Variants in TPR observed in about 807,000 individuals in gnomAD.
TPR encodes the protein translocated promoter region, nuclear basket protein, also known as nucleoprotein TPR.
Under a neutral mutation model 316.1 loss-of-function variants are expected in TPR, and 51 were observed. The observed-to-expected ratio is 0.16, with a 90% CI of 0.13 to 0.20. The LOEUF (loss-of-function observed/expected upper bound fraction) is 0.20. Ranked by LOEUF, TPR falls within the 10% of genes least tolerant of loss-of-function variation. The pLI, the probability that TPR is intolerant of heterozygous loss-of-function variation, is 1.00. For synonymous variants in TPR, 981 were observed against 914.7 expected (o/e 1.07, Z -1.31); for missense variants, 2,272 against 2,754.8 (o/e 0.82, Z 3.92).
intron 17 of TPR, among the ~76,000 whole-genome samples, chr1:186,354,981 G>A (rs1472575616): frequency 6.6e-5 from 10 of 152,018 alleles, no homozygotes; most frequent in Admixed American, 5.2e-4. Flanking sequence ...TTGGCTCACC[G>A]CAACCACTGC....
chr1:186,346,053 C>T, intron 23 of TPR, 82 bp downstream of exon 23: 3 of 1,454,384 alleles, frequency 2.1e-6, no homozygotes, highest in Non-Finnish European at 2.8e-6. Flanking sequence ...TTGAGATGAA[C>T]TAAATGGCAA....
chr1:186,356,648 A>C (rs1488950097), intron 14 of TPR, 199 bp from the exon 15 acceptor site: 5 of 453,946 alleles, frequency 1.1e-5, no homozygotes. Context: ...TATACTTACC[A>C]ATGCAATCTG....
rs1213524857 is a variant in TPR at position 186,375,154 on chromosome 1, C to T, written c.-126G>A. 6.5e-7 allele frequency: 1 copy of T among 1,544,284 alleles called. No individual in the cohort carries two copies. The highest frequency in any genetic ancestry group is 2.5e-5 in the East Asian group (1 of 40,714). On this transcript the variant is annotated 5_prime_UTR_variant, in exon 1 of 51. Transcript: ENST00000367478. ...ATCACCTCGCTCGGTGGCTCGCGCG[C>T]GCCCGCCCGCCGGAGACTCCCGCGG...
At chr1:186,322,081 T>C (rs1183077345) in intron 45 of TPR, among the ~76,000 whole-genome samples, 1 of 152,228 alleles carries the variant, frequency 6.6e-6, no homozygotes, top group Non-Finnish European at 1.5e-5. Flanking sequence ...GCCATGTTCT[T>C]AAACATTCTT....
intron 4 of TPR, among the ~76,000 whole-genome samples, chr1:186,365,494 T>C (rs1359868975): frequency 1.3e-5 from 2 of 152,108 alleles, no homozygotes; most frequent in Non-Finnish European, 2.9e-5. Context: ...GTCTACTTGC[T>C]CCCAAACATG....
intron 42 of TPR, 54 bp from the exon 43 acceptor site, chr1:186,323,924 T>A (rs1657842262): frequency 6.7e-7 from 1 of 1,488,798 alleles, no homozygotes; most frequent in African/African-American, 1.5e-5. Flanking sequence ...ACAAAAAAAC[T>A]TGGACAATCC....
chr1:186,362,964 A>G lies in TPR; in HGVS notation c.569T>C (p.Leu190Pro). The G allele has an allele frequency of 6.2e-7, 1 of 1,606,440 alleles. No homozygotes were observed. The highest frequency in any genetic ancestry group is 8.5e-7 in the Non-Finnish European group (1 of 1,178,106). The change falls in exon 6 of 51, where the codon CTA becomes CCA. Residue 190 changes from leucine (L) to proline (P), a missense_variant. This residue lies in a region of TPR where 549 missense variants were observed against 598.6 expected (regional missense o/e 0.92). Transcript: ENST00000367478. The part of the protein sequence containing the change: ...EKRLEQEKEL[L>P]HSQNTWLNTE... ...ATTCAGCCATGTATTCTGACTATGT[A>G]GCAATTCCTTTTCTTGCTCCAAGCG... is the stretch of plus-strand genomic sequence containing the variant.
chr1:186,356,253 A>G (rs751681510), intron 15 of TPR, 33 bp downstream of exon 15: 12 of 1,539,186 alleles, frequency 7.8e-6, no homozygotes, highest in Non-Finnish European at 1.1e-5. Flanking sequence ...ACATTTCTAA[A>G]TTATTCCTTA....
At chr1:186,318,362 T>G in intron 48 of TPR, 85 bp downstream of exon 48, 5 of 1,492,462 alleles carry the variant, frequency 3.4e-6, no homozygotes, top group Non-Finnish European at 4.5e-6. Context: ...AACACAACTT[T>G]GCAGATTGTT....
At chr1:186,334,632 A>C in intron 35 of TPR, 99 bp from the exon 36 acceptor site, 2 of 1,236,764 alleles carry the variant, frequency 1.6e-6, no homozygotes, top group Non-Finnish European at 1.1e-6. Flanking sequence ...TTGTTCACTA[A>C]ATATTTCAGA....
chr1:186,362,385 A>G lies in TPR; in HGVS notation c.697-5T>C, dbSNP rs751146292. 4 of 1,606,856 alleles carry G rather than the reference A, an allele frequency of 2.5e-6. No homozygotes were observed. The highest frequency in any genetic ancestry group is 3.4e-6 in the Non-Finnish European group (4 of 1,174,384). On this transcript the variant is annotated splice_polypyrimidine_tract_variant and splice_region_variant and intron_variant, in intron 6 of 50. Transcript: ENST00000367478. ...TTGTTCTTCCAGTCTAGAAACCTAA[A>G]AACAAAAAATAGAGCAGGGGGAAAG...
intron 14 of TPR, among the ~76,000 whole-genome samples, chr1:186,356,743 G>A (rs895218292): frequency 3.9e-5 from 6 of 152,114 alleles, no homozygotes; most frequent in African/African-American, 1.4e-4. Flanking sequence ...TCCTCTTCTA[G>A]AAGACATTAT....
At position 186,351,348 on chromosome 1, in the gene TPR, T is replaced by C. The variant is rs1658856103; in HGVS notation, c.2592A>G (p.Thr864=). 1 of 1,610,814 alleles carries C rather than the reference T, an allele frequency of 6.2e-7. No individual in the cohort carries two copies. Among genetic ancestry groups the C allele is most frequent in the Non-Finnish European group, 8.5e-7 (1 of 1,178,762 alleles). ...GACTCACATCTAGATTTCTAGTAAG[T>C]GTATGCCTTTGTTCCACCTCATTTT... ...KLENEVEQRH[T]LTRNLDVQLL... is the part of the protein sequence containing the mutation. Residue 864 remains threonine (T), a synonymous_variant, in exon 20 of 51, where the codon ACA becomes ACG. Transcript: ENST00000367478.
chr1:186,314,467 T>C, intron 50 of TPR, 162 bp downstream of exon 50: 1 of 484,912 alleles, frequency 2.1e-6, no homozygotes, highest in Non-Finnish European at 3.6e-6. Context: ...TCTGTCTACA[T>C]GAAGTTTACA....
At chr1:186,365,101 C>CTTTTTTT (rs1291276459) in intron 4 of TPR, among the ~76,000 whole-genome samples, 3 of 63,686 alleles carry the variant, frequency 4.7e-5, no homozygotes, top group African/African-American at 7.3e-5. Flanking sequence ...AAGGGGCTGC[C>CTTTTTTT]CTTTTTTTTT....
rs375040243 is a variant in TPR at position 186,317,432 on chromosome 1, A to G, written c.6940+50T>C. ...TTACTAATAAAGCAGTGTTTTCACA[A>G]ACAAGTTTGATGTATAAAAACTGTA... On this transcript the variant is annotated intron_variant, in intron 49 of 50. Transcript: ENST00000367478. 90 of 1,412,514 alleles carry G rather than the reference A, an allele frequency of 6.4e-5. No homozygotes were observed. In the African/African-American group the frequency reaches 1.0e-3, roughly 16 times the overall value. 87.5% of individuals were successfully genotyped at this position (1,412,514 alleles called of 1,614,324 possible).
intron 40 of TPR, among the ~76,000 whole-genome samples, chr1:186,326,567 A>C (rs974959599): frequency 5.3e-5 from 8 of 152,122 alleles, no homozygotes; most frequent in African/African-American, 1.4e-4. Context: ...AAATTACACT[A>C]TATCAGGAGC....
chr1:186,361,043 G>C lies in TPR; in HGVS notation c.959-138C>G. On this transcript the variant is annotated intron_variant, in intron 9 of 50. Coordinates refer to ENST00000367478, the MANE Select transcript of TPR (RefSeq NM_003292.3). Reference sequence around the variant, plus strand: ...GAGGCTTCAGCTGACAGTATCTATTGAAAGTTCTTGCTCTACTTATAATTT... The same window carrying C: ...GAGGCTTCAGCTGACAGTATCTATTCAAAGTTCTTGCTCTACTTATAATTT... 4 of 898,606 alleles carry C rather than the reference G, an allele frequency of 4.5e-6. No homozygotes were observed. The South Asian group carries it at 7.7e-5, about 17-fold the overall frequency. 55.7% of individuals were successfully genotyped at this position (898,606 alleles called of 1,614,324 possible).
At chr1:186,355,884 G>A in intron 15 of TPR, 116 bp from the exon 16 acceptor site, 2 of 1,226,664 alleles carry the variant, frequency 1.6e-6, no homozygotes, top group Non-Finnish European at 1.1e-6. Context: ...TTATTGAAAT[G>A]AAACAATAAG....
Sources: allele counts gnomAD v4.1 joint callset (sites outside exome capture counted in the v4.1 genomes callset), GRCh38; gene constraint gnomAD v4.1.1; regional missense constraint gnomAD v4.1.1; transcripts MANE v1.5; gene names NCBI Gene and HGNC (gene_info 2026-07-23, HGNC 2026-07-21).